The following SOBP variants were observed in gnomAD, a reference collection of about 807,000 sequenced individuals.
SOBP encodes the protein sine oculis binding protein homolog.
In SOBP, 4 loss-of-function variants were observed where a neutral mutation model predicts 53.6. The observed-to-expected ratio is 0.07, with a 90% CI of 0.04 to 0.17. The LOEUF is 0.17. Ranked by LOEUF, SOBP falls within the 10% of genes least tolerant of loss-of-function variation. SOBP has a pLI of 1.00. For synonymous variants in SOBP, 584 were observed against 522.6 expected (o/e 1.12, Z -1.60); for missense variants, 1,088 against 1,204.7 (o/e 0.90, Z 1.43).
chr6:107,585,005 A>G (rs1368899015), intron 4 of SOBP, among the ~76,000 whole-genome samples: 1 of 152,222 alleles, frequency 6.6e-6, no homozygotes. Context: ...ATACATATGT[A>G]AATAGTAGCC....
chr6:107,556,799 GAAAC>G (rs1784624192), intron 4 of SOBP, among the ~76,000 whole-genome samples: 1 of 152,174 alleles, frequency 6.6e-6, no homozygotes, highest in Admixed American at 6.5e-5. Flanking sequence ...TTGCCTGGGT[GAAAC>G]AGAGTCTAGT....
chr6:107,656,689 T>C (rs1366139088), intron 6 of SOBP, among the ~76,000 whole-genome samples: 6 of 152,182 alleles, frequency 3.9e-5, no homozygotes, highest in Admixed American at 3.9e-4. Context: ...CACTTAGTCC[T>C]CCCAATGGGC....
intron 4 of SOBP, among the ~76,000 whole-genome samples, chr6:107,574,702 T>C (rs923883794): frequency 1.3e-5 from 2 of 152,138 alleles, no homozygotes; most frequent in Non-Finnish European, 2.9e-5. Flanking sequence ...CCTTGCCTCA[T>C]CTTGGTCCCA....
intron 4 of SOBP, among the ~76,000 whole-genome samples, chr6:107,577,548 G>A (rs373422813): frequency 6.6e-6 from 1 of 152,322 alleles, no homozygotes; most frequent in South Asian, 2.1e-4. Flanking sequence ...CGAATGCCAG[G>A]AATACAGGAG....
intron 1 of SOBP, among the ~76,000 whole-genome samples, chr6:107,492,288 T>A (rs1562568904): frequency 6.6e-6 from 1 of 152,086 alleles, no homozygotes; most frequent in Non-Finnish European, 1.5e-5. Context: ...GCATTTCCAG[T>A]TTACTTTTGC....
chr6:107,539,672 G>A (rs1040026890), intron 4 of SOBP, among the ~76,000 whole-genome samples: 1 of 152,152 alleles, frequency 6.6e-6, no homozygotes, highest in Non-Finnish European at 1.5e-5. Flanking sequence ...TTCATAGTCC[G>A]ACTGTCTGTT....
At position 107,553,509 on chromosome 6, in the gene SOBP, T is replaced by TG. The variant is rs1377498104; in HGVS notation, c.573+19900dup. On this transcript the variant is annotated intron_variant, in intron 4 of 6. Coordinates refer to ENST00000317357, the MANE Select transcript of SOBP (RefSeq NM_018013.4). ...ACACCTGGCTAATTTTTTTTTTTTT[T>TG]GAGATGGAGTCTCCCTCTGTCGCCC... 2.2e-3 allele frequency among the ~76,000 whole-genome samples: 326 copies of TG among 151,066 alleles called. 2 individuals are homozygous for TG. Among genetic ancestry groups the TG allele is most frequent in the African/African-American group, 7.6e-3 (312 of 41,210 alleles).
At chr6:107,562,123 C>T (rs745618324) in intron 4 of SOBP, among the ~76,000 whole-genome samples, 5 of 151,578 alleles carry the variant, frequency 3.3e-5, no homozygotes, top group Non-Finnish European at 4.4e-5. Flanking sequence ...CTCCGCTTCC[C>T]GGGTTCAAGT....
chr6:107,534,294 C>T (rs1358421500), intron 4 of SOBP, among the ~76,000 whole-genome samples: 2 of 152,138 alleles, frequency 1.3e-5, no homozygotes, highest in African/African-American at 4.8e-5. Context: ...TGTTAGCCAC[C>T]ATGGATGGGA....
intron 3 of SOBP, chr6:107,529,699 A>C: frequency 1.1e-5 from 9 of 844,552 alleles, no homozygotes; most frequent in Non-Finnish European, 1.1e-5. Flanking sequence ...AAGTCACCAG[A>C]TAAGGCAATT....
chr6:107,584,940 C>T (rs1298421338), intron 4 of SOBP, among the ~76,000 whole-genome samples: 1 of 152,024 alleles, frequency 6.6e-6, no homozygotes, highest in Admixed American at 6.6e-5. Context: ...GCATAATAAA[C>T]ACATTCCACC....
intron 3 of SOBP, among the ~76,000 whole-genome samples, chr6:107,528,516 G>A (rs1182904618): frequency 6.6e-6 from 1 of 152,148 alleles, no homozygotes; most frequent in Non-Finnish European, 1.5e-5. Context: ...TTGCTGGTGC[G>A]AGTTATACAG....
At chr6:107,633,247 C>T (rs1359714601) in intron 5 of SOBP, among the ~76,000 whole-genome samples, 1 of 152,094 alleles carries the variant, frequency 6.6e-6, no homozygotes, top group Non-Finnish European at 1.5e-5. Context: ...TCAGAACCAT[C>T]TTTAAGTCAT....
chr6:107,623,536 T>G (rs1426554731), intron 5 of SOBP, among the ~76,000 whole-genome samples: 2 of 151,500 alleles, frequency 1.3e-5, no homozygotes, highest in African/African-American at 2.4e-5. Flanking sequence ...GAGAGAGAGA[T>G]AGGCAGAGAA....
chr6:107,542,583 G>A (rs1562601067), intron 4 of SOBP, among the ~76,000 whole-genome samples: 1 of 152,148 alleles, frequency 6.6e-6, no homozygotes, highest in African/African-American at 2.4e-5. Context: ...ATGCAAGGGG[G>A]ATTTGAAGAG....
intron 1 of SOBP, among the ~76,000 whole-genome samples, chr6:107,494,460 C>T (rs1283188827): frequency 6.6e-6 from 1 of 152,082 alleles, no homozygotes; most frequent in Non-Finnish European, 1.5e-5. Context: ...ATATTTTGTG[C>T]ACATAGATCT....
In SOBP at chr6:107,634,581, A is replaced by G; in HGVS notation, c.1737A>G (p.Gly579=). ...DSAAAGGKPS[G]HSLSPRDSKQ... ...CGGCGGCGGGCGGCAAGCCAAGCGG[A>G]CACTCCCTGTCCCCCCGGGACTCCA... The change falls in exon 6 of 7, where the codon GGA becomes GGG. Residue 579 remains glycine, a synonymous_variant. Coordinates refer to ENST00000317357, the MANE Select transcript of SOBP (RefSeq NM_018013.4). The surrounding 1 kb of genome is among the most constrained non-coding windows in gnomAD (Gnocchi z 4.5). 6.2e-7 allele frequency: 1 copy of G among 1,603,930 alleles called. No homozygotes were observed. Among genetic ancestry groups the G allele is most frequent in the Non-Finnish European group, 8.5e-7 (1 of 1,179,548 alleles).
intron 3 of SOBP, among the ~76,000 whole-genome samples, chr6:107,507,006 C>T (rs964370385): frequency 6.6e-6 from 1 of 150,466 alleles, no homozygotes; most frequent in African/African-American, 2.4e-5. Context: ...GCAGAGGTTG[C>T]AGTGAGCCGA....
At chr6:107,508,650 A>T (rs1239046619) in intron 3 of SOBP, among the ~76,000 whole-genome samples, 1 of 152,186 alleles carries the variant, frequency 6.6e-6, no homozygotes, top group Non-Finnish European at 1.5e-5. Context: ...TACCTGTCAA[A>T]ATCACTTGTA....
Sources: gnomAD v4.1 joint callset for allele counts (sites outside exome capture counted in the v4.1 genomes callset) on GRCh38, gnomAD v4.1.1 for gene constraint, Gnocchi (gnomAD v3.1) non-coding constraint, MANE v1.5 for transcripts, NCBI Gene and HGNC (gene_info 2026-07-23, HGNC 2026-07-21) for gene names.